Variants in ROBO2 observed in about 807,000 individuals in gnomAD.
The protein encoded by ROBO2 is roundabout homolog 2.
A neutral mutation model predicts 160.8 loss-of-function variants in ROBO2; 53 were observed. The observed-to-expected ratio is 0.33, with a 90% CI of 0.26 to 0.41. ROBO2 has a LOEUF of 0.41. Among genes scored for constraint, ROBO2 ranks in the 10% least tolerant of loss-of-function variants. The pLI is 1.00. For missense variants in ROBO2, 1,577 were observed against 1,722.4 expected, an observed-to-expected ratio of 0.92 and a Z score of 1.49; for synonymous variants, 664 against 611.7, an observed-to-expected ratio of 1.09 and a Z score of -1.26.
chr3:76,089,526 A>T (rs2069143304), intron 2 of ROBO2, among the ~76,000 whole-genome samples: 1 of 152,182 alleles, frequency 6.6e-6, no homozygotes, highest in South Asian at 2.1e-4. Context: ...CTGGTTAAAC[A>T]TTTAAAAATG....
At chr3:77,134,473 A>G (rs2076115032) in intron 2 of ROBO2, among the ~76,000 whole-genome samples, 1 of 152,218 alleles carries the variant, frequency 6.6e-6, no homozygotes, top group African/African-American at 2.4e-5. Context: ...GGATTATGGT[A>G]CCACAAACAG....
chr3:77,364,324 TG>T (rs2070506603), intron 2 of ROBO2, among the ~76,000 whole-genome samples: 2 of 152,120 alleles, frequency 1.3e-5, no homozygotes, highest in Non-Finnish European at 2.9e-5. Context: ...ACCTCACAAA[TG>T]GGTCACTTGT....
At chr3:76,046,548 T>C (rs1008194452) in intron 2 of ROBO2, among the ~76,000 whole-genome samples, 2 of 151,838 alleles carry the variant, frequency 1.3e-5, no homozygotes, top group African/African-American at 2.4e-5. Context: ...CTCGGGAGGC[T>C]GAGGCAGGAG....
intron 2 of ROBO2, among the ~76,000 whole-genome samples, chr3:76,245,046 CATA>C (rs72137961): frequency 0.12 from 18,777 of 152,090 alleles, 1,797 homozygotes; most frequent in East Asian, 0.41. Context: ...TATTGTCACT[CATA>C]ATAAGGCATT....
intron 2 of ROBO2, among the ~76,000 whole-genome samples, chr3:76,539,267 C>G (rs2082687295): frequency 6.6e-6 from 1 of 151,506 alleles, no homozygotes; most frequent in Non-Finnish European, 1.5e-5. Context: ...ACCTGGAGGA[C>G]AGCTTGATAG....
chr3:76,390,880 T>C (rs1471897646), intron 2 of ROBO2, among the ~76,000 whole-genome samples: 1 of 152,202 alleles, frequency 6.6e-6, no homozygotes, highest in Non-Finnish European at 1.5e-5. Context: ...TGACATTGAA[T>C]GTGTAGACCC....
intron 2 of ROBO2, among the ~76,000 whole-genome samples, chr3:76,019,306 A>G (rs1264391439): frequency 6.6e-6 from 1 of 151,608 alleles, no homozygotes; most frequent in East Asian, 2.0e-4. Flanking sequence ...AATACTGTGT[A>G]TTCCTTGGAA....
chr3:77,240,307 TC>T (rs2088819875), intron 2 of ROBO2, among the ~76,000 whole-genome samples: 1 of 152,052 alleles, frequency 6.6e-6, no homozygotes, highest in Non-Finnish European at 1.5e-5. Flanking sequence ...GACCCGGCGC[TC>T]CCTCTGCAGC....
chr3:77,252,113 A>G (rs1342292588), intron 2 of ROBO2, among the ~76,000 whole-genome samples: 2 of 152,214 alleles, frequency 1.3e-5, no homozygotes, highest in Non-Finnish European at 2.9e-5. Flanking sequence ...ATATTTCCTC[A>G]GCCAGATATC....
At chr3:76,452,798 A>C (rs1454691605) in intron 2 of ROBO2, among the ~76,000 whole-genome samples, 58 of 151,950 alleles carry the variant, frequency 3.8e-4, no homozygotes, top group African/African-American at 1.4e-3. Context: ...CCAACAGTGT[A>C]AAAGTGTTCC....
intron 1 of ROBO2, among the ~76,000 whole-genome samples, chr3:77,044,184 A>T (rs2064387907): frequency 6.6e-6 from 1 of 152,120 alleles, no homozygotes; most frequent in Non-Finnish European, 1.5e-5. Context: ...AAAAGTAATG[A>T]TTATATAAAA....
chr3:76,873,265 T>C (rs1003545221), intron 2 of ROBO2, among the ~76,000 whole-genome samples: 2 of 152,184 alleles, frequency 1.3e-5, no homozygotes, highest in Non-Finnish European at 2.9e-5. Flanking sequence ...TTTTAATTAT[T>C]TCAGAACCGG....
intron 2 of ROBO2, among the ~76,000 whole-genome samples, chr3:76,691,324 A>G (rs920780553): frequency 2.0e-5 from 3 of 152,138 alleles, no homozygotes; most frequent in African/African-American, 4.8e-5. Flanking sequence ...GCCAGCCTCC[A>G]GAACCATAAG....
intron 2 of ROBO2, among the ~76,000 whole-genome samples, chr3:76,355,910 T>G (rs2075134962): frequency 6.6e-6 from 1 of 151,708 alleles, no homozygotes; most frequent in Admixed American, 6.6e-5. Context: ...CAACTATACT[T>G]TAGATTGATT....
At chr3:76,606,908 A>G in intron 2 of ROBO2, among the ~76,000 whole-genome samples, 1 of 152,288 alleles carries the variant, frequency 6.6e-6, no homozygotes, top group African/African-American at 2.4e-5. Flanking sequence ...GAGTTCTTAT[A>G]TATGCTCAAT....
chr3:75,985,365 C>A (rs748022012), intron 2 of ROBO2, among the ~76,000 whole-genome samples: 1 of 151,520 alleles, frequency 6.6e-6, no homozygotes, highest in African/African-American at 2.4e-5. Context: ...GTGATACATT[C>A]TGTCCATAGG....
chr3:77,433,893 G>C (rs2079036515), intron 2 of ROBO2, among the ~76,000 whole-genome samples: 1 of 151,896 alleles, frequency 6.6e-6, no homozygotes, highest in Non-Finnish European at 1.5e-5. Context: ...ACCCAGTCTA[G>C]TATGTATTTT....
At chr3:77,281,442 T>C (rs150049318) in intron 2 of ROBO2, among the ~76,000 whole-genome samples, 1 of 151,768 alleles carries the variant, frequency 6.6e-6, no homozygotes, top group Admixed American at 6.6e-5. Context: ...AATTTTACTG[T>C]CTCTATATGA....
At chr3:77,108,594 G>A (rs62251788) in intron 2 of ROBO2, among the ~76,000 whole-genome samples, 2,651 of 152,214 alleles carry the variant, frequency 0.017, 33 homozygotes, top group Middle Eastern at 0.037. Context: ...AGTCTGAGTC[G>A]CCTCAGGTGG....
Sources: gnomAD v4.1 joint callset for allele counts (sites outside exome capture counted in the v4.1 genomes callset) on GRCh38, gnomAD v4.1.1 for gene constraint, MANE v1.5 for transcripts, NCBI Gene and HGNC (gene_info 2026-07-23, HGNC 2026-07-21) for gene names.